RCAN1: variants seen among roughly 807,000 people sequenced by gnomAD.
RCAN1 encodes the protein regulator of calcineurin 1.
In RCAN1, 11 loss-of-function variants were observed where a neutral mutation model predicts 22.9. The observed-to-expected ratio is 0.48, with a 90% confidence interval of 0.30 to 0.79. The LOEUF (loss-of-function observed/expected upper bound fraction) is 0.79. RCAN1 is among the 30% of genes least tolerant of loss of function. The pLI is 0.06. For synonymous variants in RCAN1, 136 were observed against 142.3 expected, an observed-to-expected ratio of 0.96 and a Z score of 0.32; for missense variants, 291 against 337.8, an observed-to-expected ratio of 0.86 and a Z score of 1.09.
chr21:34,529,527 G>A (rs1003615232), intron 1 of RCAN1, among the ~76,000 whole-genome samples: 2 of 152,146 alleles, frequency 1.3e-5, no homozygotes, highest in African/African-American at 2.4e-5. Flanking sequence ...TCTATTATAC[G>A]TGAACTTGCA....
intron 1 of RCAN1, among the ~76,000 whole-genome samples, chr21:34,607,309 GAAA>G (rs909301042): frequency 6.6e-6 from 1 of 151,352 alleles, no homozygotes; most frequent in African/African-American, 2.4e-5. Flanking sequence ...AAGCTAAAAA[GAAA>G]AAAATCAGAT....
chr21:34,568,707 C>A (rs993857271), intron 1 of RCAN1, among the ~76,000 whole-genome samples: 1 of 152,224 alleles, frequency 6.6e-6, no homozygotes, highest in Non-Finnish European at 1.5e-5. Flanking sequence ...TGCACTTGGG[C>A]CTGCTTTCCA....
At chr21:34,561,369 G>A (rs1264835797) in intron 1 of RCAN1, among the ~76,000 whole-genome samples, 1 of 152,054 alleles carries the variant, frequency 6.6e-6, no homozygotes, top group Non-Finnish European at 1.5e-5. Flanking sequence ...TGGGCAAGTG[G>A]TTACTTTAAA....
intron 1 of RCAN1, among the ~76,000 whole-genome samples, chr21:34,533,184 T>A (rs575402485): frequency 6.6e-5 from 10 of 152,090 alleles, no homozygotes; most frequent in Non-Finnish European, 1.2e-4. Context: ...ATGGTCTTGA[T>A]CTCCTGACCT....
intron 1 of RCAN1, among the ~76,000 whole-genome samples, chr21:34,599,028 G>A (rs1466470695): frequency 6.6e-6 from 1 of 152,166 alleles, no homozygotes; most frequent in Admixed American, 6.5e-5. Context: ...TGTGGGCAGA[G>A]AGGAACTCAT....
At chr21:34,549,888 A>C (rs113242036) in intron 1 of RCAN1, among the ~76,000 whole-genome samples, 361 of 152,278 alleles carry the variant, frequency 2.4e-3, no homozygotes, top group African/African-American at 8.3e-3. Context: ...CATGCCACCC[A>C]GACAGACTCC....
At chr21:34,573,161 G>A (rs942353630) in intron 1 of RCAN1, among the ~76,000 whole-genome samples, 1 of 152,144 alleles carries the variant, frequency 6.6e-6, no homozygotes, top group Non-Finnish European at 1.5e-5. Context: ...GATGCTTTTT[G>A]AAAACTGACT....
At chr21:34,590,027 A>C (rs1218392850) in intron 1 of RCAN1, among the ~76,000 whole-genome samples, 3 of 152,122 alleles carry the variant, frequency 2.0e-5, no homozygotes, top group Admixed American at 2.0e-4. Context: ...TTCAATACCC[A>C]TTTCCCTTTG....
chr21:34,525,912 A>G (rs1985014104), intron 1 of RCAN1, among the ~76,000 whole-genome samples: 1 of 152,120 alleles, frequency 6.6e-6, no homozygotes. Context: ...TTTTTAAAAA[A>G]AGAAACCTTC....
chr21:34,609,033 A>G (rs561881378), intron 1 of RCAN1, among the ~76,000 whole-genome samples: 25 of 152,312 alleles, frequency 1.6e-4, no homozygotes, highest in African/African-American at 5.8e-4. Flanking sequence ...CCCCAACTAT[A>G]TCAAATATGG....
At chr21:34,549,473 A>C (rs1218602787) in intron 1 of RCAN1, among the ~76,000 whole-genome samples, 1 of 152,158 alleles carries the variant, frequency 6.6e-6, no homozygotes, top group African/African-American at 2.4e-5. Flanking sequence ...GTGGCTGCCG[A>C]GGTGGTGAAT....
intron 3 of RCAN1, among the ~76,000 whole-genome samples, chr21:34,520,069 G>C (rs7278965): frequency 0.038 from 5,742 of 152,192 alleles, 351 homozygotes; most frequent in African/African-American, 0.13. Flanking sequence ...TCAGGGTTTA[G>C]GACCATAATT....
chr21:34,586,600 T>TA (rs1288146748), intron 1 of RCAN1, among the ~76,000 whole-genome samples: 9 of 152,210 alleles, frequency 5.9e-5, no homozygotes, highest in Non-Finnish European at 1.3e-4. Context: ...GACTAAAAAT[T>TA]AATGATTTAC....
At chr21:34,602,713 C>A (rs1357234022) in intron 1 of RCAN1, among the ~76,000 whole-genome samples, 1 of 152,180 alleles carries the variant, frequency 6.6e-6, no homozygotes, top group Non-Finnish European at 1.5e-5. Context: ...ACCTGCCTAC[C>A]AGCAAAAGCT....
intron 1 of RCAN1, among the ~76,000 whole-genome samples, chr21:34,567,340 C>CA (rs888077765): frequency 3.9e-5 from 6 of 152,020 alleles, no homozygotes; most frequent in African/African-American, 7.2e-5. Context: ...ATTAAAAATA[C>CA]AAAAAATTAG....
At chr21:34,544,166 C>T (rs557983348) in intron 1 of RCAN1, among the ~76,000 whole-genome samples, 6 of 152,314 alleles carry the variant, frequency 3.9e-5, no homozygotes, top group South Asian at 4.1e-4. Context: ...TCAAATGGCC[C>T]CCTGGTGGAC....
intron 1 of RCAN1, chr21:34,613,943 T>C (rs756584269): frequency 4.8e-6 from 5 of 1,052,024 alleles, no homozygotes; most frequent in Non-Finnish European, 5.1e-6. Flanking sequence ...GGTTTCATTC[T>C]GTGACGCCCA....
At chr21:34,563,770 AATAT>A (rs1199194939) in intron 1 of RCAN1, among the ~76,000 whole-genome samples, 5 of 65,442 alleles carry the variant, frequency 7.6e-5, no homozygotes, top group South Asian at 6.7e-4. Context: ...AAAAAAAAAA[AATAT>A]ATATATATAT....
chr21:34,614,773 TC>T lies in RCAN1; in HGVS notation c.238del (p.Asp80ThrfsTer32). 1.4e-6 allele frequency: 2 copies of T among 1,455,160 alleles called. No individual in the cohort carries two copies. Among genetic ancestry groups the T allele is most frequent in the Non-Finnish European group, 9.1e-7 (1 of 1,099,948 alleles). 90.1% of individuals were successfully genotyped at this position (1,455,160 alleles called of 1,614,324 possible). The part of the protein sequence containing the change: ...ACHLDPRVFV[D>X]GLCRAKFESL... ...CGCGGTCCTCACCCGGCACAGGCCG[TC>T]CACGAACACGCGCGGGTCCAGGTGA... On this transcript the variant is annotated frameshift_variant, in exon 1 of 4. Coordinates refer to ENST00000313806, the MANE Select transcript of RCAN1 (RefSeq NM_004414.7). LOFTEE classifies it high-confidence loss of function. The surrounding 1 kb of genome is among the most constrained non-coding windows in gnomAD (Gnocchi z 6.0).
Sources: gnomAD v4.1 joint callset for allele counts (sites outside exome capture counted in the v4.1 genomes callset) on GRCh38, gnomAD v4.1.1 for gene constraint, Gnocchi (gnomAD v3.1) non-coding constraint, MANE v1.5 for transcripts, NCBI Gene and HGNC (gene_info 2026-07-23, HGNC 2026-07-21) for gene names.